Variants in TBC1D9 observed in about 807,000 individuals in gnomAD.
TBC1D9 encodes TBC1 domain family member 9A.
Under a neutral mutation model 132.0 loss-of-function variants are expected in TBC1D9, and 63 were observed. The observed-to-expected ratio is 0.48, with a 90% CI of 0.39 to 0.59. The LOEUF is 0.59. Among genes scored for constraint, TBC1D9 ranks in the 20% least tolerant of loss-of-function variants. TBC1D9 has a pLI of 0.00. For missense variants in TBC1D9, 1,261 were observed against 1,592.7 expected, an observed-to-expected ratio of 0.79 and a Z score of 3.54; for synonymous variants, 610 against 609.9, an observed-to-expected ratio of 1.00 and a Z score of 0.00.
intron 10 of TBC1D9, among the ~76,000 whole-genome samples, chr4:140,661,210 G>A (rs533912398): frequency 1.2e-4 from 18 of 152,284 alleles, no homozygotes; most frequent in African/African-American, 3.9e-4. Context: ...CACCGCACCT[G>A]GCCGATATAG....
chr4:140,639,107 T>C lies in TBC1D9; in HGVS notation c.2484A>G (p.Glu828=). ...TETSFTIDEL[E]ELYALFKAEH... ...TCACCTTGAAAAGAGCATAAAGTTC[T>C]TCCAGCTCATCAATGGTAAAGGAAG... Residue 828 remains glutamate, a synonymous_variant, in exon 15 of 21, where the codon GAA becomes GAG. Transcript: ENST00000442267. The C allele has an allele frequency of 5.0e-6, 8 of 1,591,316 alleles. No homozygotes were observed. The highest frequency in any genetic ancestry group is 6.9e-6 in the Non-Finnish European group (8 of 1,167,734).
At chr4:140,639,652 T>A (rs1736948650) in intron 13 of TBC1D9, among the ~76,000 whole-genome samples, 1 of 152,126 alleles carries the variant, frequency 6.6e-6, no homozygotes, top group Non-Finnish European at 1.5e-5. Flanking sequence ...AATTTCAGAG[T>A]CAAATGTATT....
In TBC1D9 at chr4:140,664,935, C is replaced by T. The variant is rs369996022; in HGVS notation, c.1589-2828G>A. On this transcript the variant is annotated intron_variant, in intron 9 of 20. Coordinates refer to ENST00000442267, the MANE Select transcript of TBC1D9 (RefSeq NM_015130.3). ...CAGCCTGATGAACATGGTGAAACCC[C>T]GTGTCTACTGAAAATACAAAAATTA... 3.9e-5 allele frequency among the ~76,000 whole-genome samples: 6 copies of T among 151,922 alleles called. No individual in the cohort carries two copies. In the East Asian group the frequency reaches 5.8e-4, roughly 15 times the overall value.
At chr4:140,729,355 A>G (rs1468373569) in intron 1 of TBC1D9, among the ~76,000 whole-genome samples, 1 of 152,180 alleles carries the variant, frequency 6.6e-6, no homozygotes, top group Non-Finnish European at 1.5e-5. Context: ...ATCCCAGAAG[A>G]TTCTGATGAT....
intron 1 of TBC1D9, among the ~76,000 whole-genome samples, chr4:140,722,060 T>C (rs1399303669): frequency 1.3e-5 from 2 of 152,122 alleles, no homozygotes; most frequent in African/African-American, 2.4e-5. Context: ...GGGACTCCTA[T>C]AGGAGTCTGT....
chr4:140,656,079 C>A (rs1275794825), intron 13 of TBC1D9, among the ~76,000 whole-genome samples: 1 of 152,186 alleles, frequency 6.6e-6, no homozygotes, highest in Non-Finnish European at 1.5e-5. Flanking sequence ...AGGCTCCATT[C>A]AATGTCCATC....
intron 16 of TBC1D9, among the ~76,000 whole-genome samples, chr4:140,632,262 G>GTTTTTT (rs11375011): frequency 2.0e-5 from 3 of 147,380 alleles, no homozygotes; most frequent in African/African-American, 7.5e-5. Context: ...TTGCCCAAAG[G>GTTTTTT]TTTTTTTTTT....
chr4:140,709,018 T>A (rs758493115), intron 1 of TBC1D9, among the ~76,000 whole-genome samples: 1 of 152,260 alleles, frequency 6.6e-6, no homozygotes, highest in South Asian at 2.1e-4. Flanking sequence ...ATAAGTATCA[T>A]ACATTCTTCC....
At chr4:140,707,590 T>C (rs1340634295) in intron 1 of TBC1D9, among the ~76,000 whole-genome samples, 2 of 152,220 alleles carry the variant, frequency 1.3e-5, no homozygotes, top group African/African-American at 2.4e-5. Flanking sequence ...ATACATTCTC[T>C]AGAAGTCTTA....
intron 6 of TBC1D9, among the ~76,000 whole-genome samples, chr4:140,674,963 C>T (rs573400032): frequency 3.3e-5 from 5 of 152,212 alleles, no homozygotes; most frequent in Non-Finnish European, 7.4e-5. Context: ...CCTGCCCCGG[C>T]TTCCCAAATT....
intron 2 of TBC1D9, among the ~76,000 whole-genome samples, chr4:140,695,081 A>C (rs1280510258): frequency 1.3e-5 from 2 of 152,220 alleles, no homozygotes; most frequent in Non-Finnish European, 2.9e-5. Flanking sequence ...GTAGAGAATA[A>C]GAGCAGAACC....
intron 3 of TBC1D9, among the ~76,000 whole-genome samples, chr4:140,682,149 T>C (rs1393535096): frequency 6.6e-6 from 1 of 152,294 alleles, no homozygotes; most frequent in African/African-American, 2.4e-5. Flanking sequence ...AAATCTACAA[T>C]TGTTTTGGAG....
chr4:140,704,369 C>G (rs528085917), intron 1 of TBC1D9, among the ~76,000 whole-genome samples: 42 of 151,416 alleles, frequency 2.8e-4, no homozygotes, highest in Non-Finnish European at 5.2e-4. Context: ...CCACTACACC[C>G]CAGCCTGGGC....
chr4:140,695,683 C>A (rs1166353691), intron 2 of TBC1D9, among the ~76,000 whole-genome samples: 1 of 152,146 alleles, frequency 6.6e-6, no homozygotes, highest in Non-Finnish European at 1.5e-5. Flanking sequence ...ACCTTCTAGT[C>A]CTTATAATGG....
chr4:140,658,934 C>T (rs1417883114), intron 11 of TBC1D9, among the ~76,000 whole-genome samples: 2 of 152,056 alleles, frequency 1.3e-5, no homozygotes, highest in African/African-American at 2.4e-5. Flanking sequence ...AACGTAAGGA[C>T]ATTTTTGACA....
Position 140,622,297 on chromosome 4 carries a change from G to A in TBC1D9, c.3699C>T (p.Pro1233=). 4 of 1,613,522 alleles carry A rather than the reference G, an allele frequency of 2.5e-6. No individual in the cohort carries two copies. Among genetic ancestry groups the A allele is most frequent in the Admixed American group, 1.7e-5 (1 of 60,002 alleles). ...TGGTAATCCTGGCCATCATGCACAC[G>A]GGCTTGTCAAAGTACTTGACCAGGG... is the stretch of plus-strand genomic sequence containing the variant. ...EPALVKYFDK[P]VCMMARITSA... The change falls in exon 21 of 21, where the codon CCC becomes CCT. Residue 1233 remains proline, a synonymous_variant. Transcript: ENST00000442267.
At chr4:140,732,971 A>G (rs576729724) in intron 1 of TBC1D9, among the ~76,000 whole-genome samples, 23 of 152,174 alleles carry the variant, frequency 1.5e-4, no homozygotes, top group African/African-American at 5.5e-4. Flanking sequence ...TACAGCATGA[A>G]CTCTCCAATT....
intron 2 of TBC1D9, among the ~76,000 whole-genome samples, chr4:140,698,036 G>A (rs1333302572): frequency 1.3e-5 from 2 of 152,208 alleles, no homozygotes; most frequent in Non-Finnish European, 2.9e-5. Flanking sequence ...AGGTGGAGGG[G>A]TTTGGTGGCT....
chr4:140,642,588 T>C (rs543915716), intron 13 of TBC1D9: 1 of 923,222 alleles, frequency 1.1e-6, no homozygotes, highest in Non-Finnish European at 1.7e-6. Flanking sequence ...TCCTGGTCGC[T>C]GTCCATCTTC....
Sources: allele counts gnomAD v4.1 joint callset (sites outside exome capture counted in the v4.1 genomes callset), GRCh38; gene constraint gnomAD v4.1.1; transcripts MANE v1.5; gene names NCBI Gene and HGNC (gene_info 2026-07-23, HGNC 2026-07-21).